The following POC5 variants were observed in gnomAD, a reference collection of about 807,000 sequenced individuals.
POC5 encodes POC5 centriolar protein.
Under a neutral mutation model 62.9 loss-of-function variants are expected in POC5, and 48 were observed. That is an observed-to-expected ratio of 0.76 (90% CI 0.61 to 0.97). The LOEUF (loss-of-function observed/expected upper bound fraction) is 0.97, where lower values mean the gene tolerates loss of function less well. Among genes scored for constraint, POC5 ranks in the 50% least tolerant of loss-of-function variants. POC5 has a pLI of 0.00. For synonymous variants in POC5, 236 were observed against 228.2 expected, an observed-to-expected ratio of 1.03 and a Z score of -0.31; for missense variants, 696 against 679.5, an observed-to-expected ratio of 1.02 and a Z score of -0.27.
chr5:75,717,108 C>A (rs1490240043), intron 1 of POC5, among the ~76,000 whole-genome samples, 198 bp downstream of exon 1: 1 of 152,198 alleles, frequency 6.6e-6, no homozygotes, highest in African/African-American at 2.4e-5. Flanking sequence ...GCTCAGCATC[C>A]CTCACTCCTG....
At chr5:75,679,535 C>G (rs1158496523) in intron 10 of POC5, among the ~76,000 whole-genome samples, 1 of 152,036 alleles carries the variant, frequency 6.6e-6, no homozygotes, top group Non-Finnish European at 1.5e-5. Context: ...CTATGGAAAA[C>G]AGCATTCAGT....
chr5:75,676,576 A>G (rs1010629713), intron 11 of POC5, among the ~76,000 whole-genome samples: 1 of 152,148 alleles, frequency 6.6e-6, no homozygotes, highest in Non-Finnish European at 1.5e-5. Flanking sequence ...ATCATTCCAT[A>G]TACTTTTTTT....
chr5:75,677,081 T>C (rs180866389), intron 11 of POC5, among the ~76,000 whole-genome samples: 47 of 152,300 alleles, frequency 3.1e-4, no homozygotes, highest in Admixed American at 2.9e-3. Flanking sequence ...TCATTTAATC[T>C]TGAATCCTAA....
chr5:75,705,086 G>C (rs1777062711), intron 4 of POC5, among the ~76,000 whole-genome samples: 1 of 152,124 alleles, frequency 6.6e-6, no homozygotes, highest in Non-Finnish European at 1.5e-5. Flanking sequence ...TGTAGTCCCA[G>C]CTACTGGGGG....
At chr5:75,700,050 T>G (rs1180332402) in intron 5 of POC5, among the ~76,000 whole-genome samples, 4 of 151,672 alleles carry the variant, frequency 2.6e-5, no homozygotes, top group Non-Finnish European at 5.9e-5. Context: ...TACAGACCAC[T>G]GCTCAAGGAA....
chr5:75,712,373 G>T, intron 2 of POC5: 2 of 1,598,516 alleles, frequency 1.3e-6, no homozygotes, highest in South Asian at 2.2e-5. Flanking sequence ...GTAGTTAACT[G>T]ACCCACTTCA....
chr5:75,695,106 C>T (rs987703983), intron 5 of POC5, among the ~76,000 whole-genome samples: 1 of 152,118 alleles, frequency 6.6e-6, no homozygotes, highest in African/African-American at 2.4e-5. Flanking sequence ...AGGTCTCATT[C>T]ACTATGTTCC....
At chr5:75,708,747 AT>A (rs1307680488) in intron 2 of POC5, among the ~76,000 whole-genome samples, 1 of 152,208 alleles carries the variant, frequency 6.6e-6, no homozygotes, top group Non-Finnish European at 1.5e-5. Context: ...GCTTTTATAT[AT>A]TTGAAAACTG....
chr5:75,694,924 A>G (rs1776496936), intron 5 of POC5, 93 bp from the exon 6 acceptor site: 4 of 870,342 alleles, frequency 4.6e-6, no homozygotes, highest in Non-Finnish European at 5.1e-6. Flanking sequence ...AAAAAATCAG[A>G]ACAAGCATCA....
chr5:75,714,162 C>G (rs1409831865), intron 1 of POC5, among the ~76,000 whole-genome samples: 1 of 152,080 alleles, frequency 6.6e-6, no homozygotes, highest in Non-Finnish European at 1.5e-5. Flanking sequence ...GGTGGATCAC[C>G]TGAGGTCAGG....
At chr5:75,708,718 G>GT (rs1205879768) in intron 2 of POC5, among the ~76,000 whole-genome samples, 1 of 152,032 alleles carries the variant, frequency 6.6e-6, no homozygotes, top group Admixed American at 6.6e-5. Context: ...AAGTAAAATT[G>GT]TTTTTTAAAA....
intron 6 of POC5, 99 bp downstream of exon 6, chr5:75,694,556 A>G: frequency 1.0e-6 from 1 of 979,450 alleles, no homozygotes; most frequent in Non-Finnish European, 1.4e-6. Context: ...TTCTGATAGA[A>G]CCTGTATCTT....
Position 75,685,463 on chromosome 5 carries a change from T to C in POC5, c.1151A>G (p.Lys384Arg). Residue 384 changes from lysine (K) to arginine (R), a missense_variant, in exon 10 of 12, where the codon AAA becomes AGA. Physicochemically the swap from Lys to Arg is conservative, Grantham distance 26. Coordinates refer to ENST00000428202, the MANE Select transcript of POC5 (RefSeq NM_001099271.2). ...NDAGIDSTNNKKEEYGPGVQG... is the reference protein window; with the variant it reads ...NDAGIDSTNNRKEEYGPGVQG... ...AACACCAGGACCATACTCTTCCTTT[T>C]TATTATTTGTGGAGTCTATCCCTAT... 1 of 1,611,418 alleles carries C rather than the reference T, an allele frequency of 6.2e-7. No homozygotes were observed. Among genetic ancestry groups the C allele is most frequent in the Non-Finnish European group, 8.5e-7 (1 of 1,177,796 alleles).
At chr5:75,714,785 C>T (rs1473826800) in intron 1 of POC5, among the ~76,000 whole-genome samples, 1 of 152,036 alleles carries the variant, frequency 6.6e-6, no homozygotes, top group Non-Finnish European at 1.5e-5. Context: ...CTACGTAGTG[C>T]GCTACTCCAA....
In POC5 at chr5:75,700,900, G is replaced by C. The variant is rs200980326; in HGVS notation, c.513+1705C>G. Among the ~76,000 whole-genome samples the C allele has an allele frequency of 7.2e-3, 992 of 137,856 alleles. 42 individuals carry two copies. Among genetic ancestry groups the C allele is most frequent in the East Asian group, 0.024 (118 of 4,954 alleles). 90.4% of individuals were successfully genotyped at this position (137,856 alleles called of 152,430 possible). A position where few individuals can be genotyped will look rare whatever the true frequency, so the allele number is the denominator to read the frequency against. ...AAAAAGCAAACAACCCCATCAAAAA[G>C]TGGGCAAAGGACATGAACAGACACT... On this transcript the variant is annotated intron_variant, in intron 5 of 11. Coordinates refer to ENST00000428202, the MANE Select transcript of POC5 (RefSeq NM_001099271.2).
intron 2 of POC5, among the ~76,000 whole-genome samples, chr5:75,711,073 A>G (rs551279416): frequency 6.6e-6 from 1 of 152,362 alleles, no homozygotes; most frequent in South Asian, 2.1e-4. Context: ...CCATGACCAT[A>G]TATTCCAACT....
chr5:75,685,517 TTCCA>T (rs1463327877), intron 9 of POC5, 33 bp from the exon 10 acceptor site: 2 of 1,580,546 alleles, frequency 1.3e-6, no homozygotes, highest in South Asian at 2.3e-5. Flanking sequence ...ATTCAAATTC[TTCCA>T]GGTTAGGACT....
In POC5 at chr5:75,685,232, G is replaced by A; in HGVS notation, c.1382C>T (p.Ala461Val). 1 of 1,613,544 alleles carries A rather than the reference G, an allele frequency of 6.2e-7. No individual in the cohort carries two copies. The highest frequency in any genetic ancestry group is 8.5e-7 in the Non-Finnish European group (1 of 1,179,668). ...CATTTCTTCTGATGCAGCAGTAGCT[G>A]CAGATCCTGCACCAAGAGCAGAAAC... ...VPVSALGAGS[A>V]ATAASEEMYV... Residue 461 changes from alanine to valine, a missense_variant, in exon 10 of 12, where the codon GCA becomes GTA. By Grantham distance (64) the Ala-to-Val change is moderately conservative (BLOSUM62 0). Coordinates refer to ENST00000428202, the MANE Select transcript of POC5 (RefSeq NM_001099271.2).
intron 2 of POC5, among the ~76,000 whole-genome samples, chr5:75,709,151 ATACT>A (rs1221275797): frequency 6.6e-6 from 1 of 152,196 alleles, no homozygotes; most frequent in African/African-American, 2.4e-5. Flanking sequence ...TTTAACATAG[ATACT>A]TACACGCAGT....
Sources: gnomAD v4.1 joint callset for allele counts (sites outside exome capture counted in the v4.1 genomes callset) on GRCh38, gnomAD v4.1.1 for gene constraint, MANE v1.5 for transcripts, NCBI Gene and HGNC (gene_info 2026-07-23, HGNC 2026-07-21) for gene names.